ZNF385B: variants seen among roughly 807,000 people sequenced by gnomAD.
ZNF385B encodes the protein zinc finger protein 385B.
In ZNF385B, 23 loss-of-function variants were observed where a neutral mutation model predicts 39.2. That is an observed-to-expected ratio of 0.59 (90% CI 0.42 to 0.83). ZNF385B has a LOEUF of 0.83. ZNF385B is among the 40% of genes least tolerant of loss of function. ZNF385B has a pLI of 0.00. For synonymous variants in ZNF385B, 205 were observed against 222.6 expected (o/e 0.92, Z 0.70); for missense variants, 552 against 598.9 (o/e 0.92, Z 0.82).
intron 6 of ZNF385B, among the ~76,000 whole-genome samples, chr2:179,460,293 C>T (rs1159291499): frequency 6.6e-6 from 1 of 151,678 alleles, no homozygotes; most frequent in Non-Finnish European, 1.5e-5. Flanking sequence ...TGCTTCTATT[C>T]TCACAGGCTG....
intron 3 of ZNF385B, among the ~76,000 whole-genome samples, chr2:179,609,311 G>A (rs1009499457): frequency 1.3e-5 from 2 of 152,090 alleles, no homozygotes; most frequent in Non-Finnish European, 2.9e-5. Context: ...CCACAGATAT[G>A]TGAGAACATG....
Position 179,776,462 on chromosome 2 carries a change from A to G in ZNF385B, c.-154-5790T>C, listed in dbSNP as rs1402768162. The stretch of plus-strand genomic sequence containing the variant: ...AAACACCTAAGGAGGGTTTTAGTCC[A>G]TGAACTCAGGGAACCCCCATATCTA... On this transcript the variant is annotated intron_variant, in intron 1 of 9. Transcript: ENST00000410066. Among the ~76,000 whole-genome samples, 5 of 152,206 alleles carry G rather than the reference A, an allele frequency of 3.3e-5. No homozygotes were observed. The East Asian group carries it at 7.7e-4, about 23-fold the overall frequency.
chr2:179,484,322 T>C (rs936155773), intron 5 of ZNF385B, among the ~76,000 whole-genome samples: 5 of 151,740 alleles, frequency 3.3e-5, no homozygotes, highest in African/African-American at 1.2e-4. Flanking sequence ...TTCACTTGAA[T>C]TGAATTTTGA....
intron 1 of ZNF385B, among the ~76,000 whole-genome samples, chr2:179,820,598 T>A (rs1707343559): frequency 6.6e-6 from 1 of 152,078 alleles, no homozygotes; most frequent in Admixed American, 6.5e-5. Context: ...TTTCACTCAT[T>A]TTCAAATTAT....
chr2:179,470,886 C>CAAACAAACAAAT (rs1244277748), intron 6 of ZNF385B, among the ~76,000 whole-genome samples: 1 of 152,020 alleles, frequency 6.6e-6, no homozygotes, highest in Admixed American at 6.5e-5. Flanking sequence ...AACAAACAAA[C>CAAACAAACAAAT]AAACTGGATG....
chr2:179,619,917 G>A (rs531499164), intron 3 of ZNF385B, among the ~76,000 whole-genome samples: 25 of 152,240 alleles, frequency 1.6e-4, no homozygotes, highest in African/African-American at 6.0e-4. Flanking sequence ...AAAGATATAG[G>A]ATGAAATTCT....
intron 3 of ZNF385B, among the ~76,000 whole-genome samples, chr2:179,607,701 G>A (rs1290118083): frequency 6.6e-6 from 1 of 152,068 alleles, no homozygotes; most frequent in Non-Finnish European, 1.5e-5. Context: ...TGAATGTCAA[G>A]AAAGACCAGT....
chr2:179,474,884 C>T (rs527919086), intron 6 of ZNF385B, among the ~76,000 whole-genome samples: 3 of 152,220 alleles, frequency 2.0e-5, no homozygotes, highest in African/African-American at 7.2e-5. Context: ...TTTTGTAAAC[C>T]TCTTTTACAA....
At chr2:179,608,645 A>G (rs2106124504) in intron 3 of ZNF385B, among the ~76,000 whole-genome samples, 1 of 152,264 alleles carries the variant, frequency 6.6e-6, no homozygotes, top group African/African-American at 2.4e-5. Context: ...TTTAATGTGG[A>G]TGCAAATCAC....
At chr2:179,511,922 C>A (rs1257803694) in intron 5 of ZNF385B, among the ~76,000 whole-genome samples, 2 of 151,956 alleles carry the variant, frequency 1.3e-5, no homozygotes, top group Non-Finnish European at 2.9e-5. Context: ...AGGTACCATA[C>A]AAAATAAAAT....
intron 1 of ZNF385B, among the ~76,000 whole-genome samples, chr2:179,818,819 T>C (rs139252524): frequency 6.6e-6 from 1 of 152,216 alleles, no homozygotes; most frequent in Non-Finnish European, 1.5e-5. Context: ...CTGGCCCTAA[T>C]GCTCATCAGA....
chr2:179,494,713 T>C (rs2056010216), intron 5 of ZNF385B, among the ~76,000 whole-genome samples: 1 of 152,246 alleles, frequency 6.6e-6, no homozygotes, highest in South Asian at 2.1e-4. Context: ...GTTATCACTT[T>C]GTTGTGTATC....
chr2:179,681,215 A>G (rs1697483976), intron 3 of ZNF385B, among the ~76,000 whole-genome samples: 1 of 152,010 alleles, frequency 6.6e-6, no homozygotes, highest in African/African-American at 2.4e-5. Flanking sequence ...CAGAAAGGAC[A>G]TTTTCCATTT....
chr2:179,506,949 A>C (rs55686127), intron 5 of ZNF385B, among the ~76,000 whole-genome samples: 3,385 of 152,274 alleles, frequency 0.022, 53 homozygotes, highest in Non-Finnish European at 0.033. Flanking sequence ...TCATATTCTC[A>C]GCCCCCAAAG....
At position 179,549,977 on chromosome 2, in the gene ZNF385B, G is replaced by A. The variant is rs549075858; in HGVS notation, c.299-5008C>T. On this transcript the variant is annotated intron_variant, in intron 3 of 9. Coordinates refer to ENST00000410066, the MANE Select transcript of ZNF385B (RefSeq NM_152520.6). ...AATTACACATTACTCTTCAAATTAG[G>A]TAATGTTAACTTCAGTGCTTGTAGA... Among the ~76,000 whole-genome samples, 3 of 148,966 alleles carry A rather than the reference G, an allele frequency of 2.0e-5. 1 individual carries two copies. In the South Asian group the frequency reaches 6.4e-4, roughly 32 times the overall value.
intron 3 of ZNF385B, among the ~76,000 whole-genome samples, chr2:179,655,492 CAAA>C (rs11324530): frequency 7.0e-6 from 1 of 143,720 alleles, no homozygotes; most frequent in Non-Finnish European, 1.5e-5. Flanking sequence ...GAAAAGAAAG[CAAA>C]AAAAAAAAAC....
intron 3 of ZNF385B, among the ~76,000 whole-genome samples, chr2:179,604,684 T>C (rs1313188879): frequency 1.3e-5 from 2 of 152,024 alleles, no homozygotes; most frequent in Non-Finnish European, 2.9e-5. Context: ...AAGACTTATA[T>C]AGATATTAAT....
chr2:179,802,127 AT>A (rs1238046251), intron 1 of ZNF385B, among the ~76,000 whole-genome samples: 2 of 152,250 alleles, frequency 1.3e-5, no homozygotes, highest in Admixed American at 1.3e-4. Context: ...CATATTTCTT[AT>A]TTCATCAGAG....
intron 3 of ZNF385B, among the ~76,000 whole-genome samples, chr2:179,725,136 G>A (rs13427657): frequency 0.031 from 4,653 of 152,114 alleles, 270 homozygotes; most frequent in African/African-American, 0.1. Flanking sequence ...TCACCTATCA[G>A]ATCAGGAGCC....
Sources: gnomAD v4.1 joint callset for allele counts (sites outside exome capture counted in the v4.1 genomes callset) on GRCh38, gnomAD v4.1.1 for gene constraint, MANE v1.5 for transcripts, NCBI Gene and HGNC (gene_info 2026-07-23, HGNC 2026-07-21) for gene names.